F2: variants seen among roughly 807,000 people sequenced by gnomAD.
The protein encoded by F2 is prothrombin.
A neutral mutation model predicts 81.9 loss-of-function variants in F2; 34 were observed. That is an observed-to-expected ratio of 0.42 (90% confidence interval 0.32 to 0.55). The LOEUF (loss-of-function observed/expected upper bound fraction) is 0.55. Among genes scored for constraint, F2 ranks in the 20% least tolerant of loss-of-function variants. The probability of loss-of-function intolerance (pLI) is 0.18; values close to 1 mark genes in which losing one functional copy is unlikely to be tolerated. For missense variants in F2, 630 were observed against 833.4 expected, an observed-to-expected ratio of 0.76 and a Z score of 3.00; for synonymous variants, 296 against 326.4, an observed-to-expected ratio of 0.91 and a Z score of 1.01.
At chr11:46,722,491 TG>T in intron 4 of F2, among the ~76,000 whole-genome samples, 1 of 152,144 alleles carries the variant, frequency 6.6e-6, no homozygotes, top group Middle Eastern at 3.4e-3. Flanking sequence ...GGGAGGCTGA[TG>T]GGGGAGAATT....
In F2 at chr11:46,728,289, C is replaced by A; in HGVS notation, c.1298+126C>A. 9.0e-7 allele frequency: 1 copy of A among 1,107,326 alleles called. No homozygotes were observed. The highest frequency in any genetic ancestry group is 1.3e-5 in the South Asian group (1 of 74,510). 68.6% of individuals were successfully genotyped at this position (1,107,326 alleles called of 1,614,324 possible). Reference sequence around the variant, plus strand: ...TACCCCCCAGAATATAACATCCCAGCAGTCTCTGCTGGAAAGCCCATTTGG... The same window carrying A: ...TACCCCCCAGAATATAACATCCCAGAAGTCTCTGCTGGAAAGCCCATTTGG... On this transcript the variant is annotated intron_variant, in intron 10 of 13. Coordinates refer to ENST00000311907, the MANE Select transcript of F2 (RefSeq NM_000506.5). This position sits in a 1 kb window ranked among gnomAD's most constrained non-coding sequence, Gnocchi z 5.1.
At position 46,739,373 on chromosome 11, in the gene F2, T is replaced by C; in HGVS notation, c.1834T>C (p.Trp612Arg). 1 of 1,614,020 alleles carries C rather than the reference T, an allele frequency of 6.2e-7. No individual in the cohort carries two copies. The highest frequency in any genetic ancestry group is 8.5e-7 in the Non-Finnish European group (1 of 1,179,996). Residue 612 changes from tryptophan (W) to arginine (R), a missense_variant, in exon 14 of 14, where the codon TGG (tryptophan) becomes CGG (arginine). Trp to Arg is a moderately radical substitution (Grantham distance 101). Transcript: ENST00000311907. ...CACACATGTGTTCCGCCTGAAGAAG[T>C]GGATACAGAAGGTCATTGATCAGTT... ...FYTHVFRLKKWIQKVIDQFGE is the reference protein window; with the variant it reads ...FYTHVFRLKKRIQKVIDQFGE
At chr11:46,727,602 A>AC (rs36050035) in intron 9 of F2, among the ~76,000 whole-genome samples, 1 of 151,330 alleles carries the variant, frequency 6.6e-6, no homozygotes, top group Non-Finnish European at 1.5e-5. Context: ...AAATGGTAAA[A>AC]CCCCGTCTCT....
intron 2 of F2, 176 bp downstream of exon 2, chr11:46,720,038 G>T: frequency 1.2e-6 from 1 of 853,624 alleles, no homozygotes; most frequent in Non-Finnish European, 1.8e-6. Context: ...TTTCCTGGGG[G>T]TCTCTGTGCC....
At chr11:46,721,841 A>ATTTTTTT (rs1195063307) in intron 4 of F2, among the ~76,000 whole-genome samples, 3 of 130,014 alleles carry the variant, frequency 2.3e-5, no homozygotes. Flanking sequence ...CCATACTTTC[A>ATTTTTTT]TTTTTTTTTT....
chr11:46,737,659 C>T (rs1055028491), intron 12 of F2, among the ~76,000 whole-genome samples: 8 of 151,544 alleles, frequency 5.3e-5, no homozygotes, highest in African/African-American at 1.7e-4. Context: ...AGGATGGTCT[C>T]GATCTCCTGA....
At chr11:46,720,297 T>C (rs1592408160) in intron 2 of F2, 1 of 596,350 alleles carries the variant, frequency 1.7e-6, no homozygotes, top group Non-Finnish European at 3.0e-6. Flanking sequence ...TCCTCCCATC[T>C]CCCCCAGCCT....
rs752668127 is a variant in F2, at chr11:46,739,246, C to A, written c.1726-19C>A. 3.1e-6 allele frequency: 5 copies of A among 1,613,604 alleles called. No individual in the cohort carries two copies. The African/African-American group carries it at 5.3e-5, about 17-fold the overall frequency. On this transcript the variant is annotated intron_variant, in intron 13 of 13. Coordinates refer to ENST00000311907, the MANE Select transcript of F2 (RefSeq NM_000506.5). The stretch of plus-strand genomic sequence containing the variant: ...ACCTTGAACTTGACTCTATTGGAAA[C>A]CTCATCTTTCTTCTTCAGAGCCCCT...
At position 46,719,529 on chromosome 11, in the gene F2, G is replaced by A. The variant is rs2064821710; in HGVS notation, c.80-173G>A. The A allele has an allele frequency of 3.1e-6, 3 of 955,224 alleles. No homozygotes were observed. The highest frequency in any genetic ancestry group is 3.2e-6 in the Non-Finnish European group (2 of 628,056). 59.2% of individuals were successfully genotyped at this position (955,224 alleles called of 1,614,324 possible). Reference sequence around the variant, plus strand: ...GGGAGCAGGCTGGGGGCAAGGGGCAGTGTAGGAGGGGCACAGGGGGCCACA... The same window carrying A: ...GGGAGCAGGCTGGGGGCAAGGGGCAATGTAGGAGGGGCACAGGGGGCCACA... On this transcript the variant is annotated intron_variant, in intron 1 of 13. Transcript: ENST00000311907. The surrounding 1 kb of genome is among the most constrained non-coding windows in gnomAD (Gnocchi z 4.7).
In F2 at chr11:46,726,260, C is replaced by G. The variant is rs2064872416; in HGVS notation, c.874+87C>G. ...CCGCTTCTGCTTATCGAACGCTTAC[C>G]TCATTGAGTGCGCTCATTACAGCCT... On this transcript the variant is annotated intron_variant, in intron 7 of 13. Transcript: ENST00000311907. The surrounding 1 kb of genome is among the most constrained non-coding windows in gnomAD (Gnocchi z 5.9). The G allele has an allele frequency of 3.9e-6, 6 of 1,548,454 alleles. No homozygotes were observed. Among genetic ancestry groups the G allele is most frequent in the Non-Finnish European group, 5.3e-6 (6 of 1,138,788 alleles).
At position 46,736,925 on chromosome 11, in the gene F2, G is replaced by A. The variant is rs772434779; in HGVS notation, c.1655-2123G>A. Among the ~76,000 whole-genome samples the A allele has an allele frequency of 5.4e-4, 82 of 152,102 alleles. 2 individuals are homozygous for A. Among genetic ancestry groups the A allele is most frequent in the Non-Finnish European group, 2.2e-4 (15 of 68,024 alleles). ...AGAATGGACATATTTTTGATGTTGA[G>A]TCATTTTATCCAAGGATAAGAAACG... On this transcript the variant is annotated intron_variant, in intron 12 of 13. Transcript: ENST00000311907.
chr11:46,732,616 C>T (rs894263534), intron 12 of F2, among the ~76,000 whole-genome samples: 4 of 152,092 alleles, frequency 2.6e-5, no homozygotes, highest in Non-Finnish European at 5.9e-5. Context: ...CCAGGCTGGT[C>T]TCGAACTCCT....
Position 46,723,437 on chromosome 11 carries a change from C to T in F2, c.478C>T (p.Pro160Ser). Reference protein sequence around the residue: ...ADLQENFCRNPDSSTTGPWCY... With the variant: ...ADLQENFCRNSDSSTTGPWCY... ...CCTACAGGAGAATTTCTGCCGCAAC[C>T]CCGACAGCAGCACCACGGGACCCTG... The change falls in exon 6 of 14, where the codon CCC (proline) becomes TCC (serine). Residue 160 changes from proline (P) to serine (S), a missense_variant. Pro to Ser is a moderately conservative substitution (Grantham distance 74). Transcript: ENST00000311907. This position sits in a 1 kb window ranked among gnomAD's most constrained non-coding sequence, Gnocchi z 5.6. The T allele has an allele frequency of 6.2e-7, 1 of 1,614,100 alleles. No individual in the cohort carries two copies. Among genetic ancestry groups the T allele is most frequent in the Non-Finnish European group, 8.5e-7 (1 of 1,180,002 alleles).
Position 46,723,691 on chromosome 11 carries a change from G to T in F2, c.559+173G>T, listed in dbSNP as rs2064853846. Among the ~76,000 whole-genome samples the T allele has an allele frequency of 1.3e-5, 2 of 152,328 alleles. No homozygotes were observed. The highest frequency in any genetic ancestry group is 4.1e-4 in the South Asian group (2 of 4,828). On this transcript the variant is annotated intron_variant, in intron 6 of 13. Transcript: ENST00000311907. This position sits in a 1 kb window ranked among gnomAD's most constrained non-coding sequence, Gnocchi z 5.6. Reference sequence around the variant, plus strand: ...AGATCACCTGAGGTCAGGGGTTTGAGACCAGCTGGGCCAACATGGCAAAAC... The same window carrying T: ...AGATCACCTGAGGTCAGGGGTTTGATACCAGCTGGGCCAACATGGCAAAAC...
At chr11:46,730,614 A>G (rs1372024245) in intron 12 of F2, among the ~76,000 whole-genome samples, 1 of 151,892 alleles carries the variant, frequency 6.6e-6, no homozygotes, top group South Asian at 2.1e-4. Flanking sequence ...TGAGATGGGA[A>G]GTTATTGAGG....
At chr11:46,733,743 T>A (rs1461170496) in intron 12 of F2, among the ~76,000 whole-genome samples, 1 of 151,558 alleles carries the variant, frequency 6.6e-6, no homozygotes, top group African/African-American at 2.4e-5. Context: ...TCTTTCAAAT[T>A]GAAAATGAGG....
At chr11:46,730,492 G>A (rs1362165180) in intron 12 of F2, among the ~76,000 whole-genome samples, 12 of 151,600 alleles carry the variant, frequency 7.9e-5, no homozygotes, top group Non-Finnish European at 1.8e-4. Context: ...GCTTGTCTGG[G>A]GAGCAGTAGG....
intron 12 of F2, among the ~76,000 whole-genome samples, chr11:46,733,132 A>C (rs1592418286): frequency 6.6e-6 from 1 of 152,130 alleles, no homozygotes; most frequent in African/African-American, 2.4e-5. Context: ...TTCCTTTTCC[A>C]TATTTGTAAC....
Position 46,723,529 on chromosome 11 carries a change from G to A in F2, c.559+11G>A. 1 of 1,605,062 alleles carries A rather than the reference G, an allele frequency of 6.2e-7. No homozygotes were observed. On this transcript the variant is annotated intron_variant, in intron 6 of 13. Coordinates refer to ENST00000311907, the MANE Select transcript of F2 (RefSeq NM_000506.5). This position sits in a 1 kb window ranked among gnomAD's most constrained non-coding sequence, Gnocchi z 5.6. ...GCATCCCTGTCTGTGGTAAGCTGGG[G>A]GCAGTGGGGCGGCCCATGGCCAAGG...
Sources: allele counts gnomAD v4.1 joint callset (sites outside exome capture counted in the v4.1 genomes callset), GRCh38; gene constraint gnomAD v4.1.1; non-coding constraint Gnocchi (gnomAD v3.1); transcripts MANE v1.5; gene names NCBI Gene and HGNC (gene_info 2026-07-23, HGNC 2026-07-21).